BAZ2B: variants seen among roughly 807,000 people sequenced by gnomAD.
BAZ2B encodes the protein bromodomain adjacent to zinc finger domain 2B, also known as bromodomain adjacent to zinc finger domain protein 2B.
BAZ2B carries 91 observed loss-of-function variants against 246.0 expected under a neutral mutation model. The observed-to-expected ratio is 0.37, with a 90% CI of 0.31 to 0.44. BAZ2B has a LOEUF of 0.44. Among genes scored for constraint, BAZ2B ranks in the 20% least tolerant of loss-of-function variants. The probability of loss-of-function intolerance (pLI) is 1.00; values close to 1 mark genes in which losing one functional copy is unlikely to be tolerated. For missense variants in BAZ2B, 2,332 were observed against 2,533.7 expected, an observed-to-expected ratio of 0.92 and a Z score of 1.71; for synonymous variants, 855 against 860.0, an observed-to-expected ratio of 0.99 and a Z score of 0.10.
At chr2:159,399,784 C>T (rs934739991) in intron 17 of BAZ2B, among the ~76,000 whole-genome samples, 6 of 152,052 alleles carry the variant, frequency 3.9e-5, no homozygotes, top group African/African-American at 9.7e-5. Context: ...CAGCAGTTTC[C>T]GGAATGGTGG....
downstream of BAZ2B, among the ~76,000 whole-genome samples, chr2:159,317,000 CAATAAAATAAAATAA>C (rs34405313): frequency 2.1e-4 from 31 of 148,828 alleles, no homozygotes; most frequent in Admixed American, 4.7e-4. Context: ...TACTCTGTCT[CAATAAAATAAAATAA>C]AATAAAATAA....
At chr2:159,342,117 C>T (rs190001958) in intron 31 of BAZ2B, among the ~76,000 whole-genome samples, 158 of 152,148 alleles carry the variant, frequency 1.0e-3, no homozygotes, top group African/African-American at 3.4e-3. Flanking sequence ...TGCAGCCAAC[C>T]AGGGAGGTGA....
intron 13 of BAZ2B, among the ~76,000 whole-genome samples, chr2:159,420,149 A>G (rs574098110): frequency 3.9e-5 from 6 of 152,314 alleles, no homozygotes; most frequent in African/African-American, 1.4e-4. Context: ...CTCTATGAAC[A>G]TTAGTTTTTC....
At chr2:159,372,917 T>G in intron 27 of BAZ2B, 128 bp downstream of exon 27, 35 of 1,106,644 alleles carry the variant, frequency 3.2e-5, no homozygotes, top group Non-Finnish European at 3.9e-5. Context: ...GCAAAAGGAA[T>G]GAGAATTAAG....
intron 2 of BAZ2B, among the ~76,000 whole-genome samples, chr2:159,539,208 C>T (rs1281394691): frequency 6.6e-6 from 1 of 152,186 alleles, no homozygotes; most frequent in Admixed American, 6.5e-5. Context: ...GTGTCTGTCT[C>T]TCCAGTAGAA....
intron 2 of BAZ2B, among the ~76,000 whole-genome samples, chr2:159,525,345 A>G (rs924589020): frequency 6.6e-6 from 1 of 152,222 alleles, no homozygotes; most frequent in African/African-American, 2.4e-5. Context: ...CTTTTATAGC[A>G]GTAGCACCTA....
Position 159,349,213 on chromosome 2 carries a change from T to G in BAZ2B, c.4931A>C (p.Asn1644Thr), listed in dbSNP as rs778512360. The part of the protein sequence containing the change: ...CGWPTGVVTS[N>T]IPFTSSVPSL... ...AGGTACAGATGATGTAAATGGAATA[T>G]TAGAAGTAACCACACCAGTGGGCCA... is the stretch of plus-strand genomic sequence containing the variant. Residue 1644 changes from asparagine (N) to threonine (T), a missense_variant, in exon 29 of 37, where the codon AAT becomes ACT. Around this residue, in one of 9 missense-constraint regions of BAZ2B, gnomAD observed 676 missense variants for 668.6 expected, o/e 1.01. Coordinates refer to ENST00000392783, the MANE Select transcript of BAZ2B (RefSeq NM_013450.4). 1.2e-5 allele frequency: 20 copies of G among 1,613,924 alleles called. No individual in the cohort carries two copies. The highest frequency in any genetic ancestry group is 1.7e-5 in the Non-Finnish European group (20 of 1,179,966).
At chr2:159,409,405 A>G (rs537044486) in intron 14 of BAZ2B, among the ~76,000 whole-genome samples, 3 of 152,348 alleles carry the variant, frequency 2.0e-5, no homozygotes, top group Non-Finnish European at 4.4e-5. Flanking sequence ...TAATAGTATC[A>G]GTCAATCAAC....
At chr2:159,589,325 C>G (rs1049733757) in intron 1 of BAZ2B, among the ~76,000 whole-genome samples, 1 of 151,758 alleles carries the variant, frequency 6.6e-6, no homozygotes, top group Non-Finnish European at 1.5e-5. Context: ...CCATTCTAAG[C>G]CAACTTTCAT....
At chr2:159,392,499 C>A (rs2063471980) in intron 20 of BAZ2B, among the ~76,000 whole-genome samples, 2 of 152,110 alleles carry the variant, frequency 1.3e-5, no homozygotes. Context: ...TAAGCCTCTT[C>A]TAGAGGGCAG....
intron 13 of BAZ2B, among the ~76,000 whole-genome samples, chr2:159,423,621 A>G (rs1428084339): frequency 1.3e-5 from 2 of 152,240 alleles, no homozygotes; most frequent in African/African-American, 4.8e-5. Flanking sequence ...ATCAACCTAT[A>G]TGCCCATCAA....
At chr2:159,420,947 C>T (rs762790663) in intron 13 of BAZ2B, among the ~76,000 whole-genome samples, 4 of 152,134 alleles carry the variant, frequency 2.6e-5, no homozygotes, top group Non-Finnish European at 5.9e-5. Flanking sequence ...GGTAGCCAGC[C>T]AGTACAGCAT....
In BAZ2B at chr2:159,428,310, C is replaced by T. The variant is rs1196245958; in HGVS notation, c.2364+1G>A. 1 of 1,609,200 alleles carries T rather than the reference C, an allele frequency of 6.2e-7. No individual in the cohort carries two copies. Among genetic ancestry groups the T allele is most frequent in the East Asian group, 2.2e-5 (1 of 44,796 alleles). On this transcript the variant is annotated splice_donor_variant, in intron 12 of 36. Coordinates refer to ENST00000392783, the MANE Select transcript of BAZ2B (RefSeq NM_013450.4). LOFTEE classifies it high-confidence loss of function. ...TACATTATTTGGTGAAAAGTATGTA[C>T]CTTTATTACTTCAGGGTACTGCCTA...
Position 159,501,197 on chromosome 2 carries a change from ATATATTTT to A in BAZ2B, c.-2-22484_-2-22477del, listed in dbSNP as rs2081744125. On this transcript the variant is annotated intron_variant, in intron 2 of 36. Coordinates refer to ENST00000392783, the MANE Select transcript of BAZ2B (RefSeq NM_013450.4). ...TATTATATATATTTATATATAATAT[ATATATTTT>A]TATATATATTATATATATATTTATA... Among the ~76,000 whole-genome samples the A allele has an allele frequency of 7.6e-5, 8 of 105,656 alleles. 1 individual carries two copies. Among genetic ancestry groups the A allele is most frequent in the Admixed American group, 6.2e-4 (5 of 8,026 alleles). 69.3% of individuals were successfully genotyped at this position (105,656 alleles called of 152,430 possible).
At chr2:159,459,648 A>C (rs1191221152) in intron 3 of BAZ2B, 1 of 152,194 alleles carries the variant, frequency 6.6e-6, no homozygotes, top group East Asian at 1.9e-4. Flanking sequence ...CTATAATTAC[A>C]TTTAAAACAA....
the BAZ2B span, among the ~76,000 whole-genome samples, chr2:159,704,482 CTTTTTTTT>C: frequency 2.6e-5 from 3 of 117,026 alleles, no homozygotes; most frequent in Admixed American, 9.4e-5. Context: ...CTTTCTTTTT[CTTTTTTTT>C]TTTTTTTTTG....
chr2:159,640,401 C>T, the BAZ2B span, among the ~76,000 whole-genome samples: 1 of 152,170 alleles, frequency 6.6e-6, no homozygotes. Context: ...AATATACATT[C>T]TTCTTCTTGG....
intron 2 of BAZ2B, among the ~76,000 whole-genome samples, chr2:159,487,167 T>C (rs1413897684): frequency 6.6e-6 from 1 of 152,166 alleles, no homozygotes; most frequent in Non-Finnish European, 1.5e-5. Context: ...TAAAGGTTTG[T>C]TATTGCTAGA....
At chr2:159,480,279 A>G (rs1012800632) in intron 2 of BAZ2B, among the ~76,000 whole-genome samples, 1 of 152,254 alleles carries the variant, frequency 6.6e-6, no homozygotes, top group Middle Eastern at 3.4e-3. Flanking sequence ...GTTTAAAAAA[A>G]TTTGCCTTTG....
Sources: allele counts gnomAD v4.1 joint callset (sites outside exome capture counted in the v4.1 genomes callset), GRCh38; gene constraint gnomAD v4.1.1; regional missense constraint gnomAD v4.1.1; transcripts MANE v1.5; gene names NCBI Gene and HGNC (gene_info 2026-07-23, HGNC 2026-07-21).